Variants in NFYC observed in about 807,000 individuals in gnomAD.
NFYC encodes the protein nuclear transcription factor Y subunit gamma, also known as CAAT box DNA-binding protein subunit C.
Under a neutral mutation model 53.1 loss-of-function variants are expected in NFYC, and 25 were observed. The ratio of observed to expected loss-of-function variants is 0.47; its 90% confidence interval spans 0.34 to 0.66. NFYC has a LOEUF of 0.66. Ranked by LOEUF, NFYC falls within the 30% of genes least tolerant of loss-of-function variation. NFYC has a pLI of 0.01. For synonymous variants in NFYC, 145 were observed against 152.6 expected (o/e 0.95, Z 0.37); for missense variants, 260 against 422.7 (o/e 0.62, Z 3.38).
In NFYC at chr1:40,696,853, C is replaced by T. The variant is rs147583347; in HGVS notation, c.-9+4986C>T. ...AGTCTTTCTTTTCATTTTGTTTATT[C>T]AGTTTTTCATGCATGCACTGTCACA... On this transcript the variant is annotated intron_variant, in intron 1 of 9. Coordinates refer to ENST00000447388, the MANE Select transcript of NFYC (RefSeq NM_014223.5). Among the ~76,000 whole-genome samples the T allele has an allele frequency of 5.3e-4, 81 of 152,250 alleles. 1 individual carries two copies. Among genetic ancestry groups the T allele is most frequent in the African/African-American group, 1.9e-3 (77 of 41,554 alleles).
intron 2 of NFYC, among the ~76,000 whole-genome samples, chr1:40,744,345 G>A (rs1290116831): frequency 6.6e-6 from 1 of 152,196 alleles, no homozygotes. Flanking sequence ...AGAGAGCTCA[G>A]GCATCTTGTT....
Position 40,701,455 on chromosome 1 carries a change from C to T in NFYC, c.-9+9588C>T, listed in dbSNP as rs377240295. Among the ~76,000 whole-genome samples, 9 of 152,230 alleles carry T rather than the reference C, an allele frequency of 5.9e-5. 1 individual carries two copies. The highest frequency in any genetic ancestry group is 2.1e-4 in the South Asian group (1 of 4,830). ...GCTTCTGGGCTGCTGCTATACCAAACAGGAATGTAATACTTTCTGTCAGCT... is the reference window on the plus strand; with the variant it reads ...GCTTCTGGGCTGCTGCTATACCAAATAGGAATGTAATACTTTCTGTCAGCT... On this transcript the variant is annotated intron_variant, in intron 1 of 9. Coordinates refer to ENST00000447388, the MANE Select transcript of NFYC (RefSeq NM_014223.5).
chr1:40,737,127 CAAAAAAAA>C (rs1161900883), intron 1 of NFYC, among the ~76,000 whole-genome samples: 2 of 88,808 alleles, frequency 2.3e-5, no homozygotes, highest in East Asian at 6.9e-4. Flanking sequence ...AACTCTGTCT[CAAAAAAAA>C]AAAAAAAAAA....
chr1:40,744,755 A>G (rs898294763), intron 2 of NFYC, among the ~76,000 whole-genome samples: 3 of 152,206 alleles, frequency 2.0e-5, no homozygotes, highest in African/African-American at 7.2e-5. Flanking sequence ...TATCAGGAGA[A>G]GGAGTTAAGG....
intron 1 of NFYC, among the ~76,000 whole-genome samples, chr1:40,718,320 A>G (rs1324645006): frequency 1.3e-5 from 2 of 152,246 alleles, no homozygotes; most frequent in Non-Finnish European, 2.9e-5. Context: ...GGCAGAGCCT[A>G]GTGACAAAGG....
rs1220200538 is a variant in NFYC at position 40,691,875 on chromosome 1, AGT to A, written c.-9+12_-9+13del. 2.6e-6 allele frequency: 1 copy of A among 387,128 alleles called. No individual in the cohort carries two copies. The highest frequency in any genetic ancestry group is 3.1e-5 in the Admixed American group (1 of 32,166). 24.0% of individuals were successfully genotyped at this position (387,128 alleles called of 1,614,324 possible). Reference sequence around the variant, plus strand: ...CTGGACTCCTGAGCAGAGGTGTGTGAGTGTGCGGGAGTTTCTGTGCGAGGGTG... The same window carrying A: ...CTGGACTCCTGAGCAGAGGTGTGTGAGTGCGGGAGTTTCTGTGCGAGGGTG... On this transcript the variant is annotated intron_variant, in intron 1 of 9. Transcript: ENST00000447388.
chr1:40,748,339 ATGT>A (rs1163516645), intron 3 of NFYC, among the ~76,000 whole-genome samples: 1 of 151,572 alleles, frequency 6.6e-6, no homozygotes. Context: ...GGATCTCACC[ATGT>A]TGTCCAGGCT....
intron 1 of NFYC, among the ~76,000 whole-genome samples, chr1:40,726,419 G>C (rs1375485174): frequency 2.1e-5 from 3 of 144,062 alleles, no homozygotes; most frequent in Non-Finnish European, 4.6e-5. Context: ...CATCTGGCCT[G>C]TTTTTTTTTT....
At chr1:40,735,646 A>G in intron 1 of NFYC, 2 of 985,358 alleles carry the variant, frequency 2.0e-6, no homozygotes, top group Non-Finnish European at 2.4e-6. Context: ...GCAAGTGTAC[A>G]GAGATATCGT....
intron 1 of NFYC, among the ~76,000 whole-genome samples, chr1:40,711,914 C>T (rs1396408771): frequency 1.3e-5 from 2 of 152,174 alleles, no homozygotes; most frequent in Non-Finnish European, 2.9e-5. Context: ...TCAAGCCCCA[C>T]TCACCTTTAT....
intron 8 of NFYC, 64 bp from the exon 9 acceptor site, chr1:40,769,292 G>A: frequency 2.6e-6 from 4 of 1,516,712 alleles, no homozygotes; most frequent in South Asian, 2.3e-5. Flanking sequence ...CCTCTTTTGG[G>A]TGGTGGGCTG....
intron 1 of NFYC, among the ~76,000 whole-genome samples, chr1:40,697,275 T>C (rs1314414777): frequency 1.3e-5 from 2 of 152,204 alleles, no homozygotes; most frequent in South Asian, 2.1e-4. Context: ...TACAGCTTCC[T>C]TGATGAGGAG....
chr1:40,714,996 C>T (rs1176621116), intron 1 of NFYC, among the ~76,000 whole-genome samples: 1 of 152,086 alleles, frequency 6.6e-6, no homozygotes, highest in Non-Finnish European at 1.5e-5. Context: ...AGGAGAATGG[C>T]ATGAATCCGG....
At chr1:40,745,868 AT>A (rs534619622) in intron 2 of NFYC, among the ~76,000 whole-genome samples, 14 of 151,832 alleles carry the variant, frequency 9.2e-5, no homozygotes, top group African/African-American at 1.5e-4. Flanking sequence ...GTAGATGTGT[AT>A]TTTTTTTCTT....
rs200744674 is a variant in NFYC at position 40,701,951 on chromosome 1, C to CT, written c.-9+10091dup. On this transcript the variant is annotated intron_variant, in intron 1 of 9. Coordinates refer to ENST00000447388, the MANE Select transcript of NFYC (RefSeq NM_014223.5). ...AATCTGTTTAGCTGTAAAGATTGGGCTTTTTTTCTTGCTGCTGCACATGAC... is the reference window on the plus strand; with the variant it reads ...AATCTGTTTAGCTGTAAAGATTGGGCTTTTTTTTCTTGCTGCTGCACATGAC... Among the ~76,000 whole-genome samples, 93 of 152,194 alleles carry CT rather than the reference C, an allele frequency of 6.1e-4. 2 individuals are homozygous for CT. In the East Asian group the frequency reaches 0.011, roughly 18 times the overall value.
Position 40,770,399 on chromosome 1 carries a change from G to A in NFYC, c.889-310G>A, listed in dbSNP as rs545981282. 6.1e-5 allele frequency: 94 copies of A among 1,545,574 alleles called. 1 individual carries two copies. In the South Asian group the frequency reaches 1.1e-3, roughly 18 times the overall value. Reference sequence around the variant, plus strand: ...CGAATTGCTTGTGTTTGCCACAGAGGAACAGCGTGCAGCAAGCTCGAGTCT... The same window carrying A: ...CGAATTGCTTGTGTTTGCCACAGAGAAACAGCGTGCAGCAAGCTCGAGTCT... On this transcript the variant is annotated intron_variant, in intron 9 of 9. Transcript: ENST00000447388. This position sits in a 1 kb window ranked among gnomAD's most constrained non-coding sequence, Gnocchi z 5.3.
At chr1:40,738,971 T>C (rs1468782130) in intron 2 of NFYC, 23 bp downstream of exon 2, 3 of 1,533,082 alleles carry the variant, frequency 2.0e-6, no homozygotes, top group African/African-American at 2.7e-5. Context: ...GAGAAACTTT[T>C]ATTAGAAACT....
At chr1:40,701,194 ACAAGGGATTCTCCTGCCTC>A (rs1469482147) in intron 1 of NFYC, among the ~76,000 whole-genome samples, 3 of 152,136 alleles carry the variant, frequency 2.0e-5, no homozygotes, top group African/African-American at 7.2e-5. Context: ...CCTCCTGGGT[ACAAGGGATTCTCCTGCCTC>A]CAAGGGATTC....
chr1:40,703,077 A>G (rs1035131461), intron 1 of NFYC, among the ~76,000 whole-genome samples: 5 of 152,184 alleles, frequency 3.3e-5, no homozygotes, highest in Non-Finnish European at 7.3e-5. Context: ...TCGGCCTCCC[A>G]AAGTGTTGGG....
Sources: allele counts gnomAD v4.1 joint callset (sites outside exome capture counted in the v4.1 genomes callset), GRCh38; gene constraint gnomAD v4.1.1; non-coding constraint Gnocchi (gnomAD v3.1); transcripts MANE v1.5; gene names NCBI Gene and HGNC (gene_info 2026-07-23, HGNC 2026-07-21).